Variants in FAT2 observed in about 807,000 individuals in gnomAD.
The protein encoded by FAT2 is protocadherin Fat 2.
In FAT2, 150 loss-of-function variants were observed where a neutral mutation model predicts 295.3. The observed-to-expected ratio is 0.51, with a 90% CI of 0.44 to 0.58. The LOEUF is 0.58. Among genes scored for constraint, FAT2 ranks in the 20% least tolerant of loss-of-function variants. The pLI is 0.00. For synonymous variants in FAT2, 2,026 were observed against 2,150.3 expected (o/e 0.94, Z 1.60); for missense variants, 4,868 against 5,442.7 (o/e 0.89, Z 3.32).
Position 151,531,106 on chromosome 5 carries a change from T to G in FAT2, c.9811+481A>C, listed in dbSNP as rs1284645660. ...GTAGGAAAGAAGTGAGACGGTTTCC[T>G]AGTTCTCTCTCTCTTCAAGAGAATA... On this transcript the variant is annotated intron_variant, in intron 14 of 23. Coordinates refer to ENST00000261800, the MANE Select transcript of FAT2 (RefSeq NM_001447.3). This position sits in a 1 kb window ranked among gnomAD's most constrained non-coding sequence, Gnocchi z 5.7. 6.6e-6 allele frequency among the ~76,000 whole-genome samples: 1 copy of G among 152,126 alleles called. No homozygotes were observed. The highest frequency in any genetic ancestry group is 6.5e-5 in the Admixed American group (1 of 15,274).
At position 151,505,799 on chromosome 5, in the gene FAT2, C is replaced by T. The variant is rs372063434; in HGVS notation, c.12816G>A (p.Thr4272=). 7 of 1,613,946 alleles carry T rather than the reference C, an allele frequency of 4.3e-6. No individual in the cohort carries two copies. Among genetic ancestry groups the T allele is most frequent in the East Asian group, 2.2e-5 (1 of 44,848 alleles). ...RLVAPCLNEY[T]AISYYHSQFR... ...ACTGCGAGTGGTAGTAGCTGATGGC[C>T]GTGTACTCATTGAGACAGGGGGCAA... Residue 4272 remains threonine (T), a synonymous_variant, in exon 24 of 24, where the codon ACG becomes ACA. Transcript: ENST00000261800.
chr5:151,553,271 G>A lies in FAT2; in HGVS notation c.4062C>T (p.Tyr1354=), dbSNP rs1214965641. 6.2e-7 allele frequency: 1 copy of A among 1,614,268 alleles called. No homozygotes were observed. Among genetic ancestry groups the A allele is most frequent in the Admixed American group, 1.7e-5 (1 of 60,030 alleles). ...GGTCCGTCTCCATGACCGTAAAGCTGTAGTAGGTCTCATCAAAGGCCAGAG... is the reference window on the plus strand; with the variant it reads ...GGTCCGTCTCCATGACCGTAAAGCTATAGTAGGTCTCATCAAAGGCCAGAG... The part of the protein sequence containing the change: ...SIPLAFDETY[Y]SFTVMETDPV... Residue 1354 remains tyrosine (Y), a synonymous_variant, in exon 6 of 24, where the codon TAC becomes TAT. Coordinates refer to ENST00000261800, the MANE Select transcript of FAT2 (RefSeq NM_001447.3).
chr5:151,518,371 A>ATTATT (rs58882221), intron 19 of FAT2, among the ~76,000 whole-genome samples: 2 of 131,110 alleles, frequency 1.5e-5, no homozygotes, highest in African/African-American at 5.8e-5. Flanking sequence ...TAATAATAAT[A>ATTATT]ATAATTTTTA....
intron 23 of FAT2, 101 bp from the exon 24 acceptor site, chr5:151,506,198 G>GCCTATGCCCACCCACTCCC: frequency 7.7e-7 from 1 of 1,295,580 alleles, no homozygotes; most frequent in Non-Finnish European, 1.0e-6. Context: ...GTGGAGATGG[G>GCCTATGCCCACCCACTCCC]AGTGGGTGGG....
intron 13 of FAT2, among the ~76,000 whole-genome samples, chr5:151,533,437 C>CACACACAG (rs1358173894): frequency 6.6e-6 from 1 of 150,502 alleles, no homozygotes; most frequent in African/African-American, 2.5e-5. Flanking sequence ...CACACACACA[C>CACACACAG]GCTTTCCAGG....
Position 151,543,513 on chromosome 5 carries a change from G to C in FAT2, c.7614C>G (p.Ala2538=), listed in dbSNP as rs1242845333. 1 of 1,614,192 alleles carries C rather than the reference G, an allele frequency of 6.2e-7. No homozygotes were observed. Among genetic ancestry groups the C allele is most frequent in the Admixed American group, 1.7e-5 (1 of 60,028 alleles). Residue 2538 remains alanine (A), a synonymous_variant, in exon 10 of 24, where the codon GCC becomes GCG. Coordinates refer to ENST00000261800, the MANE Select transcript of FAT2 (RefSeq NM_001447.3). ...KFSINPNGQI[A]TLQKLDRENS... ...TTTCCCGATCCAGTTTCTGCAGAGTGGCAATCTGGCCATTGGGGTTTATGG... is the reference window on the plus strand; with the variant it reads ...TTTCCCGATCCAGTTTCTGCAGAGTCGCAATCTGGCCATTGGGGTTTATGG...
intron 9 of FAT2, 125 bp from the exon 10 acceptor site, chr5:151,546,462 C>T: frequency 1.6e-6 from 1 of 640,564 alleles, no homozygotes. Context: ...ATAGTGTATA[C>T]CCACCCTGGA....
At chr5:151,578,526 C>T (rs1758827494) in intron 1 of FAT2, among the ~76,000 whole-genome samples, 1 of 152,118 alleles carries the variant, frequency 6.6e-6, no homozygotes, top group African/African-American at 2.4e-5. Context: ...AGTGGAAATG[C>T]AAATTAGTAC....
At chr5:151,560,793 C>T (rs1215653901) in intron 3 of FAT2, among the ~76,000 whole-genome samples, 1 of 152,240 alleles carries the variant, frequency 6.6e-6, no homozygotes, top group Admixed American at 6.5e-5. Context: ...TAAGGTCAGA[C>T]ACCTTTAAAC....
chr5:151,529,763 G>A (rs1754390235), intron 14 of FAT2, among the ~76,000 whole-genome samples: 1 of 152,098 alleles, frequency 6.6e-6, no homozygotes, highest in Admixed American at 6.6e-5. Context: ...GCTCTAATAG[G>A]CAAGTGACTT....
Position 151,542,894 on chromosome 5 carries a change from C to A in FAT2, c.8233G>T (p.Asp2745Tyr). 1 of 1,614,174 alleles carries A rather than the reference C, an allele frequency of 6.2e-7. No homozygotes were observed. The highest frequency in any genetic ancestry group is 8.5e-7 in the Non-Finnish European group (1 of 1,180,030). Residue 2745 changes from aspartate to tyrosine, a missense_variant, in exon 10 of 24, where the codon GAC becomes TAC. Transcript: ENST00000261800. ...TTCCTCACCTTTATGACCCCTGTGT[C>A]TGGGTCTAGGGAGAAGACACCATCC... is the stretch of plus-strand genomic sequence containing the variant. ...NKDGVFSLDP[D>Y]TGVIKVRKPM...
At position 151,566,917 on chromosome 5, in the gene FAT2, T is replaced by C. The variant is rs146603445; in HGVS notation, c.2015A>G (p.Lys672Arg). ...TGTGAATTGTGTCAATACCCCTGTT[T>C]TATCACATGTTACAGGAACTTCAAA... ...PHFEVPVTCD[K>R]TGVLTQFTKT... The change falls in exon 2 of 24, where the codon AAA (lysine) becomes AGA (arginine). Residue 672 changes from lysine to arginine, a missense_variant. Coordinates refer to ENST00000261800, the MANE Select transcript of FAT2 (RefSeq NM_001447.3). The C allele has an allele frequency of 4.3e-5, 69 of 1,614,176 alleles. No homozygotes were observed. The African/African-American group carries it at 8.5e-4, about 20-fold the overall frequency.
intron 17 of FAT2, among the ~76,000 whole-genome samples, chr5:151,526,397 T>G (rs148952808): frequency 6.6e-6 from 1 of 152,240 alleles, no homozygotes; most frequent in African/African-American, 2.4e-5. Context: ...GCATGCAATA[T>G]GTATCTGATA....
rs138553780 is a variant in FAT2 at position 151,507,500 on chromosome 5, C to T, written c.12171G>A (p.Ala4057=). 2.8e-5 allele frequency: 45 copies of T among 1,613,994 alleles called. No homozygotes were observed. The highest frequency in any genetic ancestry group is 7.7e-5 in the South Asian group (7 of 91,074). ...GCCCGACAGTGCTTATGATAATGAA[C>T]GCCACGGCCACTGTGATGATCAGTA... ...QELLIITVAV[A]FIIISTVGLL... is the part of the protein sequence containing the mutation. The change falls in exon 23 of 24, where the codon GCG becomes GCA. Residue 4057 remains alanine, a synonymous_variant. Coordinates refer to ENST00000261800, the MANE Select transcript of FAT2 (RefSeq NM_001447.3).
rs751382874 is a variant in FAT2, at chr5:151,545,135, T to G, written c.5992A>C (p.Asn1998His). The G allele has an allele frequency of 1.9e-6, 3 of 1,614,174 alleles. No individual in the cohort carries two copies. Among genetic ancestry groups the G allele is most frequent in the Non-Finnish European group, 2.5e-6 (3 of 1,180,032 alleles). ...VILGAQGNHL[N>H]DTLSYFLLNG... ...AAGAGAAAGTAGGAAAGGGTGTCAT[T>G]CAAATGATTGCCCTGGGCACCAAGA... Residue 1998 changes from asparagine to histidine, a missense_variant, in exon 10 of 24, where the codon AAT becomes CAT. Coordinates refer to ENST00000261800, the MANE Select transcript of FAT2 (RefSeq NM_001447.3).
chr5:151,580,599 G>A (rs1411496238), intron 1 of FAT2, among the ~76,000 whole-genome samples: 1 of 151,920 alleles, frequency 6.6e-6, no homozygotes, highest in East Asian at 1.9e-4. Context: ...ACGCGTGCTC[G>A]CACACACACA....
At chr5:151,538,232 A>C (rs1056313427) in intron 11 of FAT2, among the ~76,000 whole-genome samples, 7 of 152,138 alleles carry the variant, frequency 4.6e-5, no homozygotes, top group African/African-American at 1.7e-4. Flanking sequence ...GAGAATGGAG[A>C]AGTTCTGTCA....
Position 151,567,833 on chromosome 5 carries a change from A to T in FAT2, c.1099T>A (p.Tyr367Asn), listed in dbSNP as rs1326257500. ...LSSLKFEKAVYRVQLSEFSPP... is the reference protein window; with the variant it reads ...LSSLKFEKAVNRVQLSEFSPP... ...GAAAACTCACTAAGCTGCACTCTGT[A>T]AACAGCCTTCTCGAATTTGAGGGAA... The change falls in exon 2 of 24, where the codon TAC (tyrosine) becomes AAC (asparagine). Residue 367 changes from tyrosine to asparagine, a missense_variant. This residue lies in a region of FAT2 where 3,297 missense variants were observed against 3,669.4 expected (regional missense o/e 0.90). Transcript: ENST00000261800. 15 of 1,614,054 alleles carry T rather than the reference A, an allele frequency of 9.3e-6. No individual in the cohort carries two copies. The highest frequency in any genetic ancestry group is 1.3e-5 in the African/African-American group (1 of 74,920).
chr5:151,563,983 G>A (rs374554039), intron 2 of FAT2, among the ~76,000 whole-genome samples: 6 of 152,332 alleles, frequency 3.9e-5, no homozygotes, highest in Admixed American at 6.5e-5. Context: ...TTCACATTCT[G>A]TAAGTGAGGT....
Sources: gnomAD v4.1 joint callset for allele counts (sites outside exome capture counted in the v4.1 genomes callset) on GRCh38, gnomAD v4.1.1 for gene constraint, gnomAD v4.1.1 regional missense constraint, Gnocchi (gnomAD v3.1) non-coding constraint, MANE v1.5 for transcripts, NCBI Gene and HGNC (gene_info 2026-07-23, HGNC 2026-07-21) for gene names.